Variants in LRRC57 observed in about 807,000 individuals in gnomAD.
The protein encoded by LRRC57 is leucine-rich repeat-containing protein 57.
A neutral mutation model predicts 23.1 loss-of-function variants in LRRC57; 14 were observed. That is an observed-to-expected ratio of 0.61 (90% CI 0.40 to 0.95). The LOEUF is 0.95. Ranked by LOEUF, LRRC57 falls within the 40% of genes least tolerant of loss-of-function variation. The pLI, the probability that LRRC57 is intolerant of heterozygous loss-of-function variation, is 0.00. For synonymous variants in LRRC57, 106 were observed against 115.2 expected (o/e 0.92, Z 0.51); for missense variants, 236 against 284.4 (o/e 0.83, Z 1.22).
rs1033250020 is a variant in LRRC57, at chr15:42,539,109, G to A, written c.*4974C>T. 6.6e-5 allele frequency: 10 copies of A among 152,162 alleles called. No individual in the cohort carries two copies. Among genetic ancestry groups the A allele is most frequent in the African/African-American group, 2.2e-4 (9 of 41,394 alleles). 9.4% of individuals were successfully genotyped at this position (152,162 alleles called of 1,614,324 possible). A position where few individuals can be genotyped will look rare whatever the true frequency, so the allele number is the denominator to read the frequency against. On this transcript the variant is annotated 3_prime_UTR_variant, in exon 6 of 6. Transcript: ENST00000397130. Reference sequence around the variant, plus strand: ...GGTGGGAGGAGATAGCTTGAGCCCAGGAGATCAAGGCATTTGTGAGCTGTG... The same window carrying A: ...GGTGGGAGGAGATAGCTTGAGCCCAAGAGATCAAGGCATTTGTGAGCTGTG...
chr15:42,543,950 G>T lies in LRRC57; in HGVS notation c.*133C>A, dbSNP rs2052967985. ...CTGAAATGAGAAAAGATCATTGAGT[G>T]AAATATAATCTCCTGAAGTATCATC... On this transcript the variant is annotated 3_prime_UTR_variant, in exon 6 of 6. Coordinates refer to ENST00000397130, the MANE Select transcript of LRRC57 (RefSeq NM_153260.3). 3 of 593,166 alleles carry T rather than the reference G, an allele frequency of 5.1e-6. No homozygotes were observed. The highest frequency in any genetic ancestry group is 8.9e-6 in the Non-Finnish European group (3 of 335,210). 36.7% of individuals were successfully genotyped at this position (593,166 alleles called of 1,614,324 possible).
downstream of LRRC57, among the ~76,000 whole-genome samples, chr15:42,537,380 C>G (rs977488450): frequency 6.6e-6 from 1 of 152,086 alleles, no homozygotes; most frequent in African/African-American, 2.4e-5. Context: ...TGGCTATTAT[C>G]AAAAGTGAGA....
intron 4 of LRRC57, among the ~76,000 whole-genome samples, chr15:42,546,248 C>G (rs867606216): frequency 3.3e-5 from 5 of 152,156 alleles, no homozygotes; most frequent in African/African-American, 7.2e-5. Flanking sequence ...ATCAGAAACA[C>G]TGAGGGTAGG....
chr15:42,533,229 G>A (rs922150866), downstream of LRRC57, among the ~76,000 whole-genome samples: 2 of 152,166 alleles, frequency 1.3e-5, no homozygotes, highest in Middle Eastern at 3.2e-3. Context: ...TGAAAATATT[G>A]ATGGGACTTA....
At position 42,540,994 on chromosome 15, in the gene LRRC57, T is replaced by C. The variant is rs975112899; in HGVS notation, c.*3089A>G. 1 of 149,658 alleles carries C rather than the reference T, an allele frequency of 6.7e-6. No homozygotes were observed. The highest frequency in any genetic ancestry group is 2.5e-5 in the African/African-American group (1 of 40,404). 9.3% of individuals were successfully genotyped at this position (149,658 alleles called of 1,614,324 possible). ...TTGCAATGAGCCAAGATCGCACCACTGCACTCCAGCCTGGGTGAAAGAATG... is the reference window on the plus strand; with the variant it reads ...TTGCAATGAGCCAAGATCGCACCACCGCACTCCAGCCTGGGTGAAAGAATG... On this transcript the variant is annotated 3_prime_UTR_variant, in exon 6 of 6. Transcript: ENST00000397130.
chr15:42,546,519 GA>G (rs2057658844), intron 4 of LRRC57, among the ~76,000 whole-genome samples: 2 of 152,092 alleles, frequency 1.3e-5, no homozygotes, highest in Non-Finnish European at 2.9e-5. Context: ...CTACAATCTA[GA>G]AAAGTAATAA....
chr15:42,535,327 A>G (rs190124609), downstream of LRRC57, among the ~76,000 whole-genome samples: 1 of 152,216 alleles, frequency 6.6e-6, no homozygotes, highest in East Asian at 1.9e-4. Context: ...TATAGCATTG[A>G]AGGGAGTTAG....
chr15:42,547,595 A>G, intron 3 of LRRC57, 66 bp from the exon 4 acceptor site: 3 of 1,433,980 alleles, frequency 2.1e-6, no homozygotes, highest in Non-Finnish European at 2.9e-6. Context: ...GATGAAGTTT[A>G]TAAAGACTAT....
rs545252366 is a variant in LRRC57, at chr15:42,548,694, T to G, written c.-24A>C. ...AAGATCAGGGAGCCCCGGACTCGCC[T>G]CCCACCGCTCAGCTGCCGTAAGGCT... is the stretch of plus-strand genomic sequence containing the variant. On this transcript the variant is annotated splice_region_variant and 5_prime_UTR_variant, in exon 1 of 6. Transcript: ENST00000397130. The G allele has an allele frequency of 2.7e-5, 17 of 624,070 alleles. No homozygotes were observed. In the African/African-American group the frequency reaches 3.1e-4, roughly 12 times the overall value. 38.7% of individuals were successfully genotyped at this position (624,070 alleles called of 1,614,324 possible). A position where few individuals can be genotyped will look rare whatever the true frequency, so the allele number is the denominator to read the frequency against.
At chr15:42,535,134 T>C (rs1411018551), downstream of LRRC57, among the ~76,000 whole-genome samples, 2 of 152,228 alleles carry the variant, frequency 1.3e-5, no homozygotes, top group Non-Finnish European at 2.9e-5. Flanking sequence ...CATTGAAAAA[T>C]CTATTGTTTA....
chr15:42,536,793 AT>A (rs2057602448), downstream of LRRC57, among the ~76,000 whole-genome samples: 1 of 152,204 alleles, frequency 6.6e-6, no homozygotes, highest in Non-Finnish European at 1.5e-5. Flanking sequence ...CTGGGATCAA[AT>A]TTTGGTTCAT....
chr15:42,546,836 C>T (rs1283332902), intron 4 of LRRC57, among the ~76,000 whole-genome samples: 1 of 152,166 alleles, frequency 6.6e-6, no homozygotes, highest in East Asian at 1.9e-4. Context: ...GTCAAAACCC[C>T]ACACAAAACG....
At chr15:42,544,924 G>A (rs917324173) in intron 5 of LRRC57, among the ~76,000 whole-genome samples, 153 bp downstream of exon 5, 2 of 150,512 alleles carry the variant, frequency 1.3e-5, no homozygotes. Flanking sequence ...AAGTCATCTT[G>A]GTACAATACC....
At chr15:42,533,483 G>A (rs1434535178), downstream of LRRC57, among the ~76,000 whole-genome samples, 1 of 151,704 alleles carries the variant, frequency 6.6e-6, no homozygotes. Context: ...TGGTTTGGCA[G>A]GGATGGTAAA....
At chr15:42,530,802 T>A in the LRRC57 span, among the ~76,000 whole-genome samples, 1 of 152,176 alleles carries the variant, frequency 6.6e-6, no homozygotes, top group African/African-American at 2.4e-5. Context: ...CAGTGAACTT[T>A]AGGGTGAGTT....
chr15:42,548,558 G>GGGTC, intron 1 of LRRC57, 102 bp from the exon 2 acceptor site: 2 of 916,724 alleles, frequency 2.2e-6, no homozygotes, highest in Non-Finnish European at 1.6e-6. Context: ...CCTGGCTCCT[G>GGGTC]GGGCCCGACC....
At chr15:42,529,936 C>G in the LRRC57 span, 1 of 1,095,256 alleles carries the variant, frequency 9.1e-7, no homozygotes, top group Admixed American at 2.4e-5. Context: ...CCTCATAGGT[C>G]TTAATTCTGA....
chr15:42,528,483 G>A, the LRRC57 span: 10 of 1,507,014 alleles, frequency 6.6e-6, no homozygotes, highest in Middle Eastern at 1.7e-4. Flanking sequence ...TAGGAGATGA[G>A]TTTAGCAGTA....
Position 42,548,579 on chromosome 15 carries a change from A to G in LRRC57, c.-23+114T>C. ...TCCTGGGGCCCGACCCAAGAGCGACAAGGAAGAAACGGAAGAACACACAGC... is the reference window on the plus strand; with the variant it reads ...TCCTGGGGCCCGACCCAAGAGCGACGAGGAAGAAACGGAAGAACACACAGC... On this transcript the variant is annotated intron_variant, in intron 1 of 5. Coordinates refer to ENST00000397130, the MANE Select transcript of LRRC57 (RefSeq NM_153260.3). 3 of 771,034 alleles carry G rather than the reference A, an allele frequency of 3.9e-6. No homozygotes were observed. The East Asian group carries it at 8.0e-5, about 21-fold the overall frequency. The allele number at this position is 771,034 out of a possible 1,614,324, so 47.8% of individuals were successfully genotyped here.
Sources: gnomAD v4.1 joint callset for allele counts (sites outside exome capture counted in the v4.1 genomes callset) on GRCh38, gnomAD v4.1.1 for gene constraint, MANE v1.5 for transcripts, NCBI Gene and HGNC (gene_info 2026-07-23, HGNC 2026-07-21) for gene names.